PCDH15: variants seen among roughly 807,000 people sequenced by gnomAD.
PCDH15 encodes the protein protocadherin related 15.
Under a neutral mutation model 178.5 loss-of-function variants are expected in PCDH15, and 129 were observed. The ratio of observed to expected loss-of-function variants is 0.72; its 90% CI spans 0.63 to 0.84. The LOEUF (loss-of-function observed/expected upper bound fraction) is 0.84. PCDH15 is among the 40% of genes least tolerant of loss of function. PCDH15 has a pLI of 0.00. For missense variants in PCDH15, 2,230 were observed against 2,099.9 expected (o/e 1.06, Z -1.21); for synonymous variants, 800 against 732.0 (o/e 1.09, Z -1.50).
intron 1 of PCDH15, among the ~76,000 whole-genome samples, chr10:54,669,882 A>G (rs998797992): frequency 6.6e-6 from 1 of 151,700 alleles, no homozygotes; most frequent in Non-Finnish European, 1.5e-5. Flanking sequence ...GTGAAACCCC[A>G]TCTCTACTAA....
chr10:55,450,080 C>A (rs965983504), intron 2 of PCDH15, among the ~76,000 whole-genome samples: 16 of 151,952 alleles, frequency 1.1e-4, no homozygotes, highest in Admixed American at 1.0e-3. Flanking sequence ...TTCTGAGGAA[C>A]TAAGGGGATA....
rs150279922 is a variant in PCDH15, at chr10:54,525,970, C to T, written c.157+1842G>A. On this transcript the variant is annotated intron_variant, in intron 3 of 37. Transcript: ENST00000644397. ...ACTCTCTAGATCAGTATTTATACTT[C>T]TTGTGATGACTTAAATAACTCTGGC... Among the ~76,000 whole-genome samples, 34 of 152,278 alleles carry T rather than the reference C, an allele frequency of 2.2e-4. No individual in the cohort carries two copies. In the East Asian group the frequency reaches 6.2e-3, roughly 28 times the overall value.
intron 8 of PCDH15, among the ~76,000 whole-genome samples, chr10:54,253,924 T>G (rs1462653344): frequency 6.6e-6 from 1 of 152,078 alleles, no homozygotes; most frequent in Admixed American, 6.6e-5. Context: ...TCCAATAGTA[T>G]TTAATCTAAT....
chr10:54,083,313 A>C (rs1001994428), intron 16 of PCDH15, among the ~76,000 whole-genome samples: 2 of 152,196 alleles, frequency 1.3e-5, no homozygotes, highest in African/African-American at 4.8e-5. Context: ...AGGTACTTAA[A>C]TACACGTACA....
intron 13 of PCDH15, among the ~76,000 whole-genome samples, chr10:54,176,151 C>T (rs1203877800): frequency 4.6e-5 from 7 of 151,958 alleles, no homozygotes; most frequent in South Asian, 2.1e-4. Context: ...GTACATTAGT[C>T]GAGGGAATTA....
At chr10:54,769,738 T>A (rs1365382077) in intron 1 of PCDH15, among the ~76,000 whole-genome samples, 1 of 152,060 alleles carries the variant, frequency 6.6e-6, no homozygotes. Context: ...GCAGTCCAGC[T>A]CTGGTGTCTG....
chr10:54,599,662 G>A (rs977882205), intron 2 of PCDH15: 4 of 382,660 alleles, frequency 1.0e-5, no homozygotes, highest in Non-Finnish European at 1.5e-5. Flanking sequence ...CAAACTAATT[G>A]AAAAACTGGT....
intron 1 of PCDH15, among the ~76,000 whole-genome samples, chr10:54,794,447 C>A (rs1346875920): frequency 6.6e-6 from 1 of 151,740 alleles, no homozygotes; most frequent in Non-Finnish European, 1.5e-5. Context: ...GGAAATTTTT[C>A]AATAAACCTT....
chr10:54,873,477 T>C (rs1008272644), intron 3 of PCDH15, among the ~76,000 whole-genome samples: 25 of 148,946 alleles, frequency 1.7e-4, no homozygotes, highest in Non-Finnish European at 1.3e-4. Context: ...CTGTATTTTA[T>C]ATATATATAA....
At chr10:53,890,912 A>T (rs1369835509) in intron 26 of PCDH15, among the ~76,000 whole-genome samples, 1 of 152,192 alleles carries the variant, frequency 6.6e-6, no homozygotes, top group Non-Finnish European at 1.5e-5. Flanking sequence ...AATTAATTGA[A>T]ACTAATAGGA....
intron 23 of PCDH15, among the ~76,000 whole-genome samples, chr10:53,953,781 C>T (rs893066899): frequency 4.6e-5 from 7 of 151,866 alleles, no homozygotes; most frequent in African/African-American, 1.7e-4. Flanking sequence ...TTTTTTTGTT[C>T]TGTTTTGTTT....
intron 2 of PCDH15, among the ~76,000 whole-genome samples, chr10:55,023,534 T>C (rs1289226663): frequency 6.6e-6 from 1 of 152,026 alleles, no homozygotes; most frequent in East Asian, 1.9e-4. Flanking sequence ...AGTATACAAA[T>C]TCTAGATCGA....
chr10:54,847,396 G>A (rs1377762334), intron 3 of PCDH15, among the ~76,000 whole-genome samples: 4 of 151,632 alleles, frequency 2.6e-5, no homozygotes, highest in South Asian at 2.1e-4. Context: ...AATATATTTT[G>A]TACAATTATA....
chr10:54,146,033 G>T (rs925982803), intron 14 of PCDH15, among the ~76,000 whole-genome samples: 7 of 151,964 alleles, frequency 4.6e-5, no homozygotes, highest in African/African-American at 1.7e-4. Flanking sequence ...CATGTGGGCA[G>T]AGATCTCATT....
At chr10:54,323,517 C>T (rs1048292842) in intron 7 of PCDH15, among the ~76,000 whole-genome samples, 1 of 152,054 alleles carries the variant, frequency 6.6e-6, no homozygotes, top group African/African-American at 2.4e-5. Flanking sequence ...ATATACACCA[C>T]GGAATACTAC....
At chr10:54,171,803 T>C (rs1024336274) in intron 13 of PCDH15, among the ~76,000 whole-genome samples, 7 of 152,060 alleles carry the variant, frequency 4.6e-5, no homozygotes, top group Non-Finnish European at 8.8e-5. Flanking sequence ...CAAAACCGTA[T>C]CCAGGCCATC....
chr10:54,209,173 C>T (rs551455198), intron 10 of PCDH15, among the ~76,000 whole-genome samples: 1 of 152,106 alleles, frequency 6.6e-6, no homozygotes, highest in Non-Finnish European at 1.5e-5. Flanking sequence ...GACTTAGACA[C>T]CTGTGATCTT....
intron 2 of PCDH15, among the ~76,000 whole-genome samples, chr10:55,475,343 G>A (rs1349225663): frequency 6.6e-6 from 1 of 152,006 alleles, no homozygotes; most frequent in Non-Finnish European, 1.5e-5. Flanking sequence ...TCTCTTACCT[G>A]CTTTTTATTT....
chr10:54,350,915 C>T (rs1286711555), intron 5 of PCDH15, among the ~76,000 whole-genome samples: 1 of 151,950 alleles, frequency 6.6e-6, no homozygotes, highest in Non-Finnish European at 1.5e-5. Context: ...TCCAGCCTGG[C>T]CAGCATGGTG....
Sources: allele counts gnomAD v4.1 joint callset (sites outside exome capture counted in the v4.1 genomes callset), GRCh38; gene constraint gnomAD v4.1.1; transcripts MANE v1.5; gene names NCBI Gene and HGNC (gene_info 2026-07-23, HGNC 2026-07-21).